NAPRT: variants seen among roughly 807,000 people sequenced by gnomAD.
NAPRT encodes the protein FHA-HIT-interacting protein.
Under a neutral mutation model 60.7 loss-of-function variants are expected in NAPRT, and 66 were observed. That is an observed-to-expected ratio of 1.09 (90% CI 0.89 to 1.33). The LOEUF is 1.33. NAPRT is among the 40% of genes most tolerant of loss of function. The pLI, the probability that NAPRT is intolerant of heterozygous loss-of-function variation, is 0.00. For missense variants in NAPRT, 818 were observed against 731.5 expected (o/e 1.12, Z -1.36); for synonymous variants, 405 against 335.7 (o/e 1.21, Z -2.26).
At chr8:143,574,608 C>A (rs1206874640), downstream of NAPRT, 10 of 619,144 alleles carry the variant, frequency 1.6e-5, no homozygotes, top group Admixed American at 5.5e-5. Flanking sequence ...GAACTCCTCA[C>A]TGCCCTTCGG....
chr8:143,575,827 GGGGAAGGAGGTGCCAGTGCCCTAGGT>G lies in NAPRT; in HGVS notation c.1108-151_1108-126del, dbSNP rs1389101383. ...GGAAGGGGGTGGCAGTGCCCTGGGT[GGGGAAGGAGGTGCCAGTGCCCTAGGT>G]GGGGAAGGAGGTGGCACTGCCCTGG... On this transcript the variant is annotated intron_variant, in intron 8 of 12. Coordinates refer to ENST00000449291, the MANE Select transcript of NAPRT (RefSeq NM_145201.6). 1.4e-3 allele frequency: 632 copies of G among 463,066 alleles called. 12 individuals carry two copies. In the African/African-American group the frequency reaches 0.026, roughly 19 times the overall value. 28.7% of individuals were successfully genotyped at this position (463,066 alleles called of 1,614,324 possible). A position where few individuals can be genotyped will look rare whatever the true frequency, so the allele number is the denominator to read the frequency against.
chr8:143,574,592 G>A (rs1475091284), downstream of NAPRT: 32 of 605,314 alleles, frequency 5.3e-5, no homozygotes, highest in Non-Finnish European at 7.4e-5. Flanking sequence ...CCTACCCAAA[G>A]CCGGGGAACT....
rs781204741 is a variant in NAPRT, at chr8:143,576,591, G to A, written c.882-19C>T. The A allele has an allele frequency of 6.2e-7, 1 of 1,607,878 alleles. No homozygotes were observed. Among genetic ancestry groups the A allele is most frequent in the South Asian group, 1.1e-5 (1 of 90,724 alleles). On this transcript the variant is annotated intron_variant, in intron 6 of 12. Transcript: ENST00000449291. ...ACCACTCCTGCAGAAATAGATAAGG[G>A]AGTCAGAGGCTGCTGAGGTTCTGCT...
rs1280907457 is a variant in NAPRT, at chr8:143,576,563, G to A, written c.891C>T (p.Leu297=). The part of the protein sequence containing the change: ...LDTYSVWRSG[L]PNFLAVALAL... ...CCAGGGCGACTGCTAGGAAGTTGGG[G>A]AGACCACTCCTGCAGAAATAGATAA... The change falls in exon 7 of 13, where the codon CTC becomes CTT. Residue 297 remains leucine (L), a synonymous_variant. Transcript: ENST00000449291. 5.0e-6 allele frequency: 8 copies of A among 1,611,262 alleles called. No homozygotes were observed. The highest frequency in any genetic ancestry group is 6.8e-6 in the Non-Finnish European group (8 of 1,179,278).
At chr8:143,576,244 G>T in intron 7 of NAPRT, 82 bp from the exon 8 acceptor site, 1 of 1,427,750 alleles carries the variant, frequency 7.0e-7, no homozygotes. Context: ...TCCCCGCCCC[G>T]CCTCAGTCAA....
Position 143,577,350 on chromosome 8 carries a change from T to TC in NAPRT, c.486dup (p.Lys163GlufsTer65). Reference sequence around the variant, plus strand: ...CTCAGGCCCATCTCTAGCAGCCGCTTCTCTGGCCCTGCGATCAAGCGAAGC... The same window carrying TC: ...CTCAGGCCCATCTCTAGCAGCCGCTTCCTCTGGCCCTGCGATCAAGCGAAGC... On this transcript the variant is annotated frameshift_variant, in exon 4 of 13. Coordinates refer to ENST00000449291, the MANE Select transcript of NAPRT (RefSeq NM_145201.6). LOFTEE classifies it high-confidence loss of function. The TC allele has an allele frequency of 3.7e-6, 6 of 1,607,338 alleles. No homozygotes were observed. The highest frequency in any genetic ancestry group is 5.1e-6 in the Non-Finnish European group (6 of 1,177,986).
intron 3 of NAPRT, 60 bp downstream of exon 3, chr8:143,577,597 A>G (rs895596702): frequency 3.6e-5 from 55 of 1,521,454 alleles, no homozygotes; most frequent in Non-Finnish European, 4.8e-5. Context: ...TCCAGCACGG[A>G]GCCCCGGCGC....
rs760262431 is a variant in NAPRT, at chr8:143,575,199, G to C, written c.1438C>G (p.Gln480Glu). 1.2e-6 allele frequency: 2 copies of C among 1,609,102 alleles called. No homozygotes were observed. The highest frequency in any genetic ancestry group is 8.5e-7 in the Non-Finnish European group (1 of 1,178,196). ...GGCGGTGGGGCAGCCACCTGTCCCT[G>C]CTGGAGGCAGAGCCGCAGTAGTGGC... ...VEPLLRLCLQ[Q>E]GQLCEPLPSL... Residue 480 changes from glutamine to glutamate, a missense_variant, in exon 11 of 13, where the codon CAG becomes GAG. Gln to Glu is a conservative substitution (Grantham distance 29). Coordinates refer to ENST00000449291, the MANE Select transcript of NAPRT (RefSeq NM_145201.6).
Position 143,578,108 on chromosome 8 carries a change from G to C in NAPRT, c.211C>G (p.Arg71Gly), listed in dbSNP as rs760015768. The change falls in exon 1 of 13, where the codon CGC becomes GGC. Residue 71 changes from arginine (R) to glycine (G), a missense_variant. Arg to Gly is a moderately radical substitution (Grantham distance 125). Coordinates refer to ENST00000449291, the MANE Select transcript of NAPRT (RefSeq NM_145201.6). ...GGGGGACTACCGGCGTCCCGCAGGC[G>C]GAAGGCGCGCAGGAAGCGCACACAG... ...RDCVRFLRAF[R>G]LRDADVQFLA... The C allele has an allele frequency of 1.3e-6, 2 of 1,525,766 alleles. No individual in the cohort carries two copies. The highest frequency in any genetic ancestry group is 1.4e-5 in the African/African-American group (1 of 71,330). 94.5% of individuals were successfully genotyped at this position (1,525,766 alleles called of 1,614,324 possible). A position where few individuals can be genotyped will look rare whatever the true frequency, so the allele number is the denominator to read the frequency against.
chr8:143,575,231 T>G lies in NAPRT; in HGVS notation c.1406A>C (p.Gln469Pro). 6.2e-7 allele frequency: 1 copy of G among 1,611,950 alleles called. No homozygotes were observed. Among genetic ancestry groups the G allele is most frequent in the Non-Finnish European group, 8.5e-7 (1 of 1,179,754 alleles). Reference protein sequence around the residue: ...AQEPCTVRPAQVEPLLRLCLQ... With the variant: ...AQEPCTVRPAPVEPLLRLCLQ... ...GCAGAGCCGCAGTAGTGGCTCCACC[T>G]GGGCTGGCCTCACGGTGCAGGGCTC... is the stretch of plus-strand genomic sequence containing the variant. Residue 469 changes from glutamine (Q) to proline (P), a missense_variant, in exon 11 of 13, where the codon CAG becomes CCG. Physicochemically the swap from Gln to Pro is moderately conservative, Grantham distance 76. Coordinates refer to ENST00000449291, the MANE Select transcript of NAPRT (RefSeq NM_145201.6).
chr8:143,574,990 T>C lies in NAPRT; in HGVS notation c.1550A>G (p.Tyr517Cys). The C allele has an allele frequency of 1.3e-6, 2 of 1,540,972 alleles. No individual in the cohort carries two copies. Among genetic ancestry groups the C allele is most frequent in the Non-Finnish European group, 1.8e-6 (2 of 1,141,740 alleles). The part of the protein sequence containing the change: ...EHRRLRSPAQ[Y>C]QVVLSERLQA... ...CAGGGTGGGCCTCCCCCCAACCTGG[T>C]ACTGTGCAGGGCTCCGCAGCCGCCT... The change falls in exon 12 of 13, where the codon TAC (tyrosine) becomes TGC (cysteine). Residue 517 changes from tyrosine to cysteine, a missense_variant. Transcript: ENST00000449291.
At position 143,576,074 on chromosome 8, in the gene NAPRT, C is replaced by T; in HGVS notation, c.1107+4G>A. The stretch of plus-strand genomic sequence containing the variant: ...CCCTCCGCCTACCCACTCATCCACC[C>T]CACCTCCTGGGCCAGTCGGGCCAGC... On this transcript the variant is annotated splice_donor_region_variant and intron_variant, in intron 8 of 12. Coordinates refer to ENST00000449291, the MANE Select transcript of NAPRT (RefSeq NM_145201.6). 6.3e-7 allele frequency: 1 copy of T among 1,583,140 alleles called. No individual in the cohort carries two copies. Among genetic ancestry groups the T allele is most frequent in the Non-Finnish European group, 8.6e-7 (1 of 1,161,360 alleles).
In NAPRT at chr8:143,574,824, C is replaced by G; in HGVS notation, c.*14G>C. The G allele has an allele frequency of 6.4e-7, 1 of 1,550,686 alleles. No individual in the cohort carries two copies. The highest frequency in any genetic ancestry group is 8.7e-7 in the Non-Finnish European group (1 of 1,146,948). On this transcript the variant is annotated 3_prime_UTR_variant, in exon 13 of 13. Transcript: ENST00000449291. ...AGTGATTCGTGTTGTTTCCAGTCAG[C>G]CCCGCTCCGAGTCTCAGGGGGACTG...
In NAPRT at chr8:143,577,114, AG is replaced by A; in HGVS notation, c.631del (p.Leu211TrpfsTer91). Reference sequence around the variant, plus strand: ...AAAGGAAGTGACGAAGGAGTGGGCCAGGGTCCCGGCCACCGGCACACCTCGC... The same window carrying A: ...AAAGGAAGTGACGAAGGAGTGGGCCAGGTCCCGGCCACCGGCACACCTCGC... ...QLRGVPVAGT[L>X]AHSFVTSFSG... is the part of the protein sequence containing the mutation. On this transcript the variant is annotated frameshift_variant, in exon 5 of 13. Transcript: ENST00000449291. LOFTEE classifies it high-confidence loss of function. The A allele has an allele frequency of 6.2e-7, 1 of 1,613,008 alleles. No individual in the cohort carries two copies. The highest frequency in any genetic ancestry group is 8.5e-7 in the Non-Finnish European group (1 of 1,179,930).
In NAPRT at chr8:143,578,210, C is replaced by G. The variant is rs1824658655; in HGVS notation, c.109G>C (p.Asp37His). Residue 37 changes from aspartate to histidine, a missense_variant, in exon 1 of 13, where the codon GAC becomes CAC. Physicochemically the swap from Asp to His is moderately conservative, Grantham distance 81. Transcript: ENST00000449291. ...LGYWRAGRAR[D>H]AAEFELFFRR... ...AAGAAGAGCTCGAACTCGGCGGCGT[C>G]CCGCGCCCGGCCCGCGCGCCAATAG... 6.6e-7 allele frequency: 1 copy of G among 1,505,440 alleles called. No homozygotes were observed. Among genetic ancestry groups the G allele is most frequent in the African/African-American group, 1.5e-5 (1 of 68,790 alleles). 93.3% of individuals were successfully genotyped at this position (1,505,440 alleles called of 1,614,324 possible). A position where few individuals can be genotyped will look rare whatever the true frequency, so the allele number is the denominator to read the frequency against.
chr8:143,578,269 AGCAGCGGCCGCGCCGCCGCGCGC>A lies in NAPRT; in HGVS notation c.27_49del (p.Arg10HisfsTer2). On this transcript the variant is annotated frameshift_variant, in exon 1 of 13. Coordinates refer to ENST00000449291, the MANE Select transcript of NAPRT (RefSeq NM_145201.6). LOFTEE classifies it high-confidence loss of function. Reference sequence around the variant, plus strand: ...CATGGTGGCCTGGTAGAGGTCAGTGAGCAGCGGCCGCGCCGCCGCGCGCGCCTCGGGGTCCTGCTCCGCCGCCA... The same window carrying A: ...CATGGTGGCCTGGTAGAGGTCAGTGAGCCTCGGGGTCCTGCTCCGCCGCCA... 7.0e-7 allele frequency: 1 copy of A among 1,425,938 alleles called. No individual in the cohort carries two copies. The highest frequency in any genetic ancestry group is 1.5e-5 in the African/African-American group (1 of 65,986). 88.3% of individuals were successfully genotyped at this position (1,425,938 alleles called of 1,614,324 possible).
At chr8:143,572,975 A>C (rs1458323167), downstream of NAPRT, 2 of 468,806 alleles carry the variant, frequency 4.3e-6, no homozygotes, top group Non-Finnish European at 7.5e-6. Flanking sequence ...TGAGAACAGG[A>C]TCCCCAAGAG....
chr8:143,575,215 C>A lies in NAPRT; in HGVS notation c.1422G>T (p.Leu474=). ...TVRPAQVEPL[L]RLCLQQGQLC... ...CCTGTCCCTGCTGGAGGCAGAGCCG[C>A]AGTAGTGGCTCCACCTGGGCTGGCC... Residue 474 remains leucine, a synonymous_variant, in exon 11 of 13, where the codon CTG becomes CTT. Coordinates refer to ENST00000449291, the MANE Select transcript of NAPRT (RefSeq NM_145201.6). The A allele has an allele frequency of 6.2e-7, 1 of 1,611,724 alleles. No homozygotes were observed. Among genetic ancestry groups the A allele is most frequent in the Middle Eastern group, 1.7e-4 (1 of 6,032 alleles).
chr8:143,577,067 CA>C lies in NAPRT; in HGVS notation c.678del (p.Asp227ThrfsTer75). 2 of 1,612,748 alleles carry C rather than the reference CA, an allele frequency of 1.2e-6. No individual in the cohort carries two copies. Among genetic ancestry groups the C allele is most frequent in the South Asian group, 1.1e-5 (1 of 91,054 alleles). Reference protein sequence around the residue: ...VTSFSGSEVPPDPMLAPAAGE... With the variant: ...VTSFSGSEVPXDPMLAPAAGE... ...GGTTTAGAGGAGGGACTGACCGGGT[CA>C]GGGGGCACCTCGCTGCCTGAAAAGG... On this transcript the variant is annotated frameshift_variant, in exon 5 of 13. Coordinates refer to ENST00000449291, the MANE Select transcript of NAPRT (RefSeq NM_145201.6). LOFTEE classifies it high-confidence loss of function.
Sources: allele counts gnomAD v4.1 joint callset, GRCh38; gene constraint gnomAD v4.1.1; transcripts MANE v1.5; gene names NCBI Gene and HGNC (gene_info 2026-07-23, HGNC 2026-07-21).